PCSK5: variants seen among roughly 807,000 people sequenced by gnomAD.
PCSK5 encodes the protein prohormone convertase 5.
PCSK5 carries 129 observed loss-of-function variants against 233.2 expected under a neutral mutation model. The observed-to-expected ratio is 0.55, with a 90% confidence interval of 0.48 to 0.64. The LOEUF (loss-of-function observed/expected upper bound fraction) is 0.64. Ranked by LOEUF, PCSK5 falls within the 30% of genes least tolerant of loss-of-function variation. PCSK5 has a pLI of 0.00. For missense variants in PCSK5, 2,076 were observed against 2,430.1 expected, an observed-to-expected ratio of 0.85 and a Z score of 3.06; for synonymous variants, 825 against 879.2, an observed-to-expected ratio of 0.94 and a Z score of 1.09.
At chr9:75,979,388 G>A (rs1189958287) in intron 2 of PCSK5, among the ~76,000 whole-genome samples, 1 of 152,164 alleles carries the variant, frequency 6.6e-6, no homozygotes, top group African/African-American at 2.4e-5. Context: ...TTTCAGCTGA[G>A]TTTATCACCA....
chr9:76,013,712 A>G (rs916657140), intron 3 of PCSK5, among the ~76,000 whole-genome samples: 52 of 152,330 alleles, frequency 3.4e-4, no homozygotes, highest in Admixed American at 2.9e-3. Flanking sequence ...GTATCAATAT[A>G]ACCTTGTGCT....
rs979080656 is a variant in PCSK5, at chr9:76,360,674, G to A, written c.*1752G>A. The A allele has an allele frequency of 2.0e-5, 3 of 152,144 alleles. No homozygotes were observed. Among genetic ancestry groups the A allele is most frequent in the South Asian group, 2.1e-4 (1 of 4,826 alleles). The allele number at this position is 152,144 out of a possible 1,614,324, so 9.4% of individuals were successfully genotyped here. On this transcript the variant is annotated 3_prime_UTR_variant, in exon 38 of 38. Coordinates refer to ENST00000674117, the MANE Select transcript of PCSK5 (RefSeq NM_001372043.1). ...GGTTGACAAACAGTCTCTGGAAAGA[G>A]CCAGCTAGTAAGTACATTAGGCTTT...
intron 24 of PCSK5, among the ~76,000 whole-genome samples, chr9:76,277,277 CAA>C (rs1382096984): frequency 9.2e-5 from 14 of 152,056 alleles, no homozygotes; most frequent in Admixed American, 9.2e-4. Context: ...GTCTTCCCCC[CAA>C]AGAATGAAGG....
At chr9:75,971,458 A>G (rs1036898987) in intron 2 of PCSK5, among the ~76,000 whole-genome samples, 3 of 152,118 alleles carry the variant, frequency 2.0e-5, no homozygotes, top group Non-Finnish European at 4.4e-5. Flanking sequence ...CAGTAATGGG[A>G]TTTCTGGGTC....
intron 9 of PCSK5, among the ~76,000 whole-genome samples, chr9:76,117,900 C>G (rs556340621): frequency 2.6e-5 from 4 of 152,100 alleles, no homozygotes; most frequent in Non-Finnish European, 5.9e-5. Context: ...TCAGCAGAGT[C>G]TGCTTGTCAT....
intron 24 of PCSK5, among the ~76,000 whole-genome samples, chr9:76,281,841 G>T (rs2131388938): frequency 6.6e-6 from 1 of 152,146 alleles, no homozygotes; most frequent in Admixed American, 6.5e-5. Flanking sequence ...TAGAGATGGG[G>T]TTTTGCCACG....
chr9:76,357,342 C>A (rs1412258548), intron 37 of PCSK5, among the ~76,000 whole-genome samples: 6 of 152,148 alleles, frequency 3.9e-5, no homozygotes, highest in African/African-American at 1.4e-4. Flanking sequence ...CATGGTGAAA[C>A]CCCATCTCTA....
chr9:76,301,915 T>C (rs1315712025), intron 27 of PCSK5, among the ~76,000 whole-genome samples: 1 of 152,094 alleles, frequency 6.6e-6, no homozygotes, highest in Non-Finnish European at 1.5e-5. Context: ...TAGTGTTAAA[T>C]GCAGTGTTCA....
At chr9:76,205,718 T>C (rs1258091749) in intron 20 of PCSK5, among the ~76,000 whole-genome samples, 2 of 152,198 alleles carry the variant, frequency 1.3e-5, no homozygotes, top group Non-Finnish European at 2.9e-5. Context: ...GGCTAATTAT[T>C]AGACAATTCA....
rs761705746 is a variant in PCSK5, at chr9:75,934,675, G to A, written c.297+2192G>A. Among the ~76,000 whole-genome samples, 12 of 151,656 alleles carry A rather than the reference G, an allele frequency of 7.9e-5. No homozygotes were observed. In the East Asian group the frequency reaches 1.4e-3, roughly 17 times the overall value. On this transcript the variant is annotated intron_variant, in intron 2 of 37. Transcript: ENST00000674117. ...CAGCTCACTACAACCTCCAACTCCC[G>A]GGTTCAAGCGATTCTCCTGCCTCAG...
chr9:76,334,196 C>T (rs1346870662), intron 34 of PCSK5, among the ~76,000 whole-genome samples: 1 of 152,132 alleles, frequency 6.6e-6, no homozygotes, highest in Non-Finnish European at 1.5e-5. Flanking sequence ...GAAACCGCCC[C>T]TACAATCCAA....
At chr9:76,098,196 C>T (rs985314983) in intron 8 of PCSK5, among the ~76,000 whole-genome samples, 2 of 152,088 alleles carry the variant, frequency 1.3e-5, no homozygotes, top group African/African-American at 4.8e-5. Context: ...AATTGCCTAC[C>T]CATATACATG....
intron 3 of PCSK5, among the ~76,000 whole-genome samples, chr9:76,009,586 C>G (rs892101404): frequency 6.6e-6 from 1 of 150,820 alleles, no homozygotes; most frequent in African/African-American, 2.4e-5. Flanking sequence ...GAGATCACAC[C>G]ACTGCACTCC....
intron 24 of PCSK5, among the ~76,000 whole-genome samples, chr9:76,278,362 C>A (rs1358287801): frequency 6.6e-6 from 1 of 151,942 alleles, no homozygotes; most frequent in East Asian, 1.9e-4. Flanking sequence ...TTAGGAAATG[C>A]CAGGAGACAA....
Position 76,323,104 on chromosome 9 carries a change from C to A in PCSK5, c.4155C>A (p.Pro1385=). 1 of 1,611,454 alleles carries A rather than the reference C, an allele frequency of 6.2e-7. No homozygotes were observed. The highest frequency in any genetic ancestry group is 2.2e-5 in the East Asian group (1 of 44,802). ...ATGATATGTGCCACCAGTCCTGTCC[C>A]CGTGGCTTCTATGCAGACTCGCGCC... is the stretch of plus-strand genomic sequence containing the variant. ...LHDDMCHQSC[P]RGFYADSRHC... is the part of the protein sequence containing the mutation. The change falls in exon 32 of 38, where the codon CCC becomes CCA. Residue 1385 remains proline (P), a synonymous_variant. Transcript: ENST00000674117.
intron 12 of PCSK5, among the ~76,000 whole-genome samples, chr9:76,163,879 TC>T (rs66874146): frequency 0.27 from 32,315 of 118,192 alleles, 4,304 homozygotes; most frequent in African/African-American, 0.33. Flanking sequence ...TTTTTTTTTT[TC>T]CTGAATCTCC....
rs140626621 is a variant in PCSK5 at position 76,216,526 on chromosome 9, A to C, written c.2627-10977A>C. Among the ~76,000 whole-genome samples the C allele has an allele frequency of 6.5e-3, 994 of 152,316 alleles. 17 individuals are homozygous for C. The highest frequency in any genetic ancestry group is 0.023 in the African/African-American group (953 of 41,574). Reference sequence around the variant, plus strand: ...TATATTACTCTCAAGAGCTTCCTCCATAAGGCAACAAGAAGGATAATATTA... The same window carrying C: ...TATATTACTCTCAAGAGCTTCCTCCCTAAGGCAACAAGAAGGATAATATTA... On this transcript the variant is annotated intron_variant, in intron 20 of 37. Transcript: ENST00000674117.
chr9:76,022,170 T>A (rs1473991689), intron 3 of PCSK5, among the ~76,000 whole-genome samples: 1 of 152,206 alleles, frequency 6.6e-6, no homozygotes, highest in African/African-American at 2.4e-5. Flanking sequence ...AAAGAGCCTT[T>A]AAAACACAGG....
At chr9:76,209,528 G>C in intron 20 of PCSK5, 1 of 516,016 alleles carries the variant, frequency 1.9e-6, no homozygotes, top group Non-Finnish European at 3.9e-6. Context: ...TCAATAATTA[G>C]ATGATGAATG....
Sources: gnomAD v4.1 joint callset for allele counts (sites outside exome capture counted in the v4.1 genomes callset) on GRCh38, gnomAD v4.1.1 for gene constraint, MANE v1.5 for transcripts, NCBI Gene and HGNC (gene_info 2026-07-23, HGNC 2026-07-21) for gene names.